Variants in UBAP2L observed in about 807,000 individuals in gnomAD.
UBAP2L encodes ubiquitin-associated protein 2-like.
UBAP2L carries 12 observed loss-of-function variants against 130.6 expected under a neutral mutation model. The ratio of observed to expected loss-of-function variants is 0.09; its 90% CI spans 0.06 to 0.15. The LOEUF (loss-of-function observed/expected upper bound fraction) is 0.15. UBAP2L is among the 10% of genes least tolerant of loss of function. The pLI, the probability that UBAP2L is intolerant of heterozygous loss-of-function variation, is 1.00. For synonymous variants in UBAP2L, 503 were observed against 524.7 expected, an observed-to-expected ratio of 0.96 and a Z score of 0.57; for missense variants, 965 against 1,332.5, an observed-to-expected ratio of 0.72 and a Z score of 4.29.
intron 23 of UBAP2L, 40 bp downstream of exon 23, chr1:154,261,149 C>G: frequency 3.1e-6 from 5 of 1,591,494 alleles, no homozygotes; most frequent in Non-Finnish European, 4.3e-6. Context: ...GGTGAAGGAT[C>G]CTAGCCCTGG....
intron 1 of UBAP2L, among the ~76,000 whole-genome samples, chr1:154,221,613 T>G (rs551189754): frequency 6.6e-6 from 1 of 152,250 alleles, no homozygotes; most frequent in East Asian, 1.9e-4. Flanking sequence ...AGGGAGGAGA[T>G]TGGCCCCGTG....
chr1:154,250,713 G>C (rs1455304896), intron 12 of UBAP2L, among the ~76,000 whole-genome samples: 1 of 151,978 alleles, frequency 6.6e-6, no homozygotes, highest in Non-Finnish European at 1.5e-5. Flanking sequence ...AATTAGCCAG[G>C]CATGGTGGCG....
Position 154,246,284 on chromosome 1 carries a change from C to T in UBAP2L, c.923C>T (p.Pro308Leu), listed in dbSNP as rs1262159636. 1.9e-6 allele frequency: 3 copies of T among 1,613,870 alleles called. No individual in the cohort carries two copies. The highest frequency in any genetic ancestry group is 3.4e-4 in the Middle Eastern group (2 of 5,874). Residue 308 changes from proline (P) to leucine (L), a missense_variant, in exon 11 of 27, where the codon CCT (proline) becomes CTT (leucine). By Grantham distance (98) the Pro-to-Leu change is moderately conservative. Coordinates refer to ENST00000428931, the MANE Select transcript of UBAP2L (RefSeq NM_014847.4). ...DSSNLDPSQA[P>L]SLAQPLVFSN... ...TCTAATCTGGATCCGTCTCAGGCTCCTTCTCTGGCCCAGCCTCTGGTGTTC... is the reference window on the plus strand; with the variant it reads ...TCTAATCTGGATCCGTCTCAGGCTCTTTCTCTGGCCCAGCCTCTGGTGTTC...
chr1:154,258,108 T>C (rs758424937), intron 20 of UBAP2L, among the ~76,000 whole-genome samples: 1 of 152,206 alleles, frequency 6.6e-6, no homozygotes, highest in Non-Finnish European at 1.5e-5. Flanking sequence ...TAGCTAGGAC[T>C]ACAGGTGTGC....
At chr1:154,267,307 C>T (rs561242633) in intron 25 of UBAP2L, among the ~76,000 whole-genome samples, 25 of 151,756 alleles carry the variant, frequency 1.6e-4, no homozygotes, top group South Asian at 8.3e-4. Context: ...AGGTGCCCAC[C>T]ACCGCGCCTG....
intron 25 of UBAP2L, among the ~76,000 whole-genome samples, chr1:154,267,816 C>T (rs563446872): frequency 1.2e-4 from 17 of 146,222 alleles, no homozygotes; most frequent in Admixed American, 9.5e-4. Flanking sequence ...GTTCGGATTT[C>T]ATGATGTTCA....
intron 25 of UBAP2L, among the ~76,000 whole-genome samples, chr1:154,266,809 G>A (rs1271092664): frequency 6.6e-6 from 1 of 152,126 alleles, no homozygotes; most frequent in Non-Finnish European, 1.5e-5. Context: ...ATTGTTTATC[G>A]TGTCATGTAA....
intron 4 of UBAP2L, among the ~76,000 whole-genome samples, chr1:154,232,365 G>C (rs1670142055): frequency 6.6e-6 from 1 of 151,224 alleles, no homozygotes; most frequent in South Asian, 2.1e-4. Context: ...GTTGGTGTTT[G>C]TCCTGGAAGT....
rs1672752425 is a variant in UBAP2L at position 154,239,380 on chromosome 1, GA to G, written c.704-2132del. Among the ~76,000 whole-genome samples the G allele has an allele frequency of 2.0e-5, 3 of 152,160 alleles. No individual in the cohort carries two copies. The South Asian group carries it at 6.2e-4, about 32-fold the overall frequency. Reference sequence around the variant, plus strand: ...CCCAGATATTTTTGTAGATTTTTATGAGCTGAAATATCTGTGGATATGTCAT... The same window carrying G: ...CCCAGATATTTTTGTAGATTTTTATGGCTGAAATATCTGTGGATATGTCAT... On this transcript the variant is annotated intron_variant, in intron 8 of 26. Coordinates refer to ENST00000428931, the MANE Select transcript of UBAP2L (RefSeq NM_014847.4).
rs1049365162 is a variant in UBAP2L at position 154,228,608 on chromosome 1, C to T, written c.169-7C>T. On this transcript the variant is annotated splice_region_variant and splice_polypyrimidine_tract_variant and intron_variant, in intron 3 of 26. Transcript: ENST00000428931. ...GTTCATGATGGTTGCTGTTTTTTCTCTTTCAGTTGATTGATATTACAGGCA... is the reference window on the plus strand; with the variant it reads ...GTTCATGATGGTTGCTGTTTTTTCTTTTTCAGTTGATTGATATTACAGGCA... 3 of 1,609,458 alleles carry T rather than the reference C, an allele frequency of 1.9e-6. No homozygotes were observed. The highest frequency in any genetic ancestry group is 1.7e-5 in the Admixed American group (1 of 59,736).
intron 14 of UBAP2L, among the ~76,000 whole-genome samples, chr1:154,252,880 G>A (rs1678261174): frequency 6.6e-6 from 1 of 151,874 alleles, no homozygotes; most frequent in South Asian, 2.1e-4. Flanking sequence ...TGGTTCTTGA[G>A]GGAGCCTAGA....
intron 24 of UBAP2L, among the ~76,000 whole-genome samples, chr1:154,264,542 C>T (rs1682637061): frequency 6.6e-6 from 1 of 152,174 alleles, no homozygotes; most frequent in Non-Finnish European, 1.5e-5. Context: ...CCTGCATTCT[C>T]AGTCCCTTCA....
intron 14 of UBAP2L, among the ~76,000 whole-genome samples, chr1:154,253,615 G>GC (rs1652435244): frequency 6.6e-6 from 1 of 151,646 alleles, no homozygotes; most frequent in Non-Finnish European, 1.5e-5. Context: ...CTCGTGATCC[G>GC]CCCGCCTCGA....
At position 154,237,400 on chromosome 1, in the gene UBAP2L, G is replaced by A. The variant is rs538513543; in HGVS notation, c.703+264G>A. ...CTTTCCAGATGACAAAACTAAGGCC[G>A]AAAGAGAGGTTATAAATTTGCTAGT... On this transcript the variant is annotated intron_variant, in intron 8 of 26. Transcript: ENST00000428931. Among the ~76,000 whole-genome samples, 8 of 152,260 alleles carry A rather than the reference G, an allele frequency of 5.3e-5. No individual in the cohort carries two copies. The South Asian group carries it at 1.7e-3, about 32-fold the overall frequency.
chr1:154,241,373 C>T lies in UBAP2L; in HGVS notation c.704-140C>T, dbSNP rs564361435. ...AAAGTATTAGGATTATAGGTGTGAG[C>T]CACCACACCTGGCCTTCTGATTACT... On this transcript the variant is annotated intron_variant, in intron 8 of 26. Transcript: ENST00000428931. The T allele has an allele frequency of 5.6e-6, 4 of 708,748 alleles. No homozygotes were observed. The East Asian group carries it at 1.1e-4, about 20-fold the overall frequency. The allele number at this position is 708,748 out of a possible 1,614,324, so 43.9% of individuals were successfully genotyped here.
At chr1:154,228,557 T>C in intron 3 of UBAP2L, 58 bp from the exon 4 acceptor site, 1 of 1,326,712 alleles carries the variant, frequency 7.5e-7, no homozygotes, top group Non-Finnish European at 1.1e-6. Flanking sequence ...CTAGTTTCCT[T>C]TCATTGGGAG....
At chr1:154,238,695 TG>T (rs1180357003) in intron 8 of UBAP2L, among the ~76,000 whole-genome samples, 8 of 152,128 alleles carry the variant, frequency 5.3e-5, no homozygotes, top group Admixed American at 5.2e-4. Flanking sequence ...GCAAAAGTGT[TG>T]GTTATAGCTT....
rs774615921 is a variant in UBAP2L at position 154,270,271 on chromosome 1, C to T, written c.3240C>T (p.Asn1080=). Residue 1080 remains asparagine (N), a synonymous_variant, in exon 27 of 27, where the codon AAC becomes AAT. Coordinates refer to ENST00000428931, the MANE Select transcript of UBAP2L (RefSeq NM_014847.4). The stretch of plus-strand genomic sequence containing the variant: ...CCCAGACCAACAAGTCTGCCTACAA[C>T]AGCTACAGCTGGGGGGCCAACTGAG... ...QKPQTNKSAY[N]SYSWGAN is the part of the protein sequence containing the mutation. 2.2e-5 allele frequency: 35 copies of T among 1,613,990 alleles called. No individual in the cohort carries two copies. The South Asian group carries it at 3.8e-4, about 18-fold the overall frequency.
intron 4 of UBAP2L, among the ~76,000 whole-genome samples, chr1:154,229,266 G>A (rs1669018798): frequency 6.6e-6 from 1 of 152,018 alleles, no homozygotes. Context: ...ACCATCCCTG[G>A]AGATGATAGG....
Sources: gnomAD v4.1 joint callset for allele counts (sites outside exome capture counted in the v4.1 genomes callset) on GRCh38, gnomAD v4.1.1 for gene constraint, MANE v1.5 for transcripts, NCBI Gene and HGNC (gene_info 2026-07-23, HGNC 2026-07-21) for gene names.